Variants in B3GALNT2 observed in about 807,000 individuals in gnomAD.
B3GALNT2 encodes the protein UDP-GalNAc:beta-1,3-N-acetylgalactosaminyltransferase 2.
In B3GALNT2, 53 loss-of-function variants were observed where a neutral mutation model predicts 61.1. The observed-to-expected ratio is 0.87, with a 90% CI of 0.70 to 1.09. B3GALNT2 has a LOEUF of 1.09. Among genes scored for constraint, B3GALNT2 ranks in the 50% least tolerant of loss-of-function variants. The probability of loss-of-function intolerance (pLI) is 0.00; values close to 1 mark genes in which losing one functional copy is unlikely to be tolerated. For synonymous variants in B3GALNT2, 223 were observed against 237.4 expected (o/e 0.94, Z 0.56); for missense variants, 544 against 623.0 (o/e 0.87, Z 1.35).
chr1:235,504,435 C>T lies in B3GALNT2; in HGVS notation c.-183G>A. ...GCCCCGCTCCTCCGGTCCCTCAGAC[C>T]GCGGGTGGCCGCGGCTTAGCCGGCC... On this transcript the variant is annotated 5_prime_UTR_variant, in exon 1 of 12. Coordinates refer to ENST00000366600, the MANE Select transcript of B3GALNT2 (RefSeq NM_152490.5). The T allele has an allele frequency of 5.3e-6, 3 of 563,304 alleles. No individual in the cohort carries two copies. Among genetic ancestry groups the T allele is most frequent in the South Asian group, 2.9e-5 (1 of 34,464 alleles). The allele number at this position is 563,304 out of a possible 1,614,324, so 34.9% of individuals were successfully genotyped here. A position where few individuals can be genotyped will look rare whatever the true frequency, so the allele number is the denominator to read the frequency against.
intron 9 of B3GALNT2, among the ~76,000 whole-genome samples, chr1:235,454,869 C>A (rs999048822): frequency 1.3e-5 from 2 of 152,192 alleles, no homozygotes; most frequent in East Asian, 3.8e-4. Context: ...ACTAGAAGAT[C>A]ACCCTGTGTT....
chr1:235,453,881 C>T (rs1683043610), intron 10 of B3GALNT2, among the ~76,000 whole-genome samples: 1 of 152,176 alleles, frequency 6.6e-6, no homozygotes, highest in Non-Finnish European at 1.5e-5. Flanking sequence ...GATTCCTATA[C>T]AGAGAATAAC....
intron 6 of B3GALNT2, among the ~76,000 whole-genome samples, chr1:235,470,162 G>T (rs1385411687): frequency 6.6e-6 from 1 of 152,098 alleles, no homozygotes; most frequent in Non-Finnish European, 1.5e-5. Flanking sequence ...GCCTCCTAAA[G>T]TTCTGGGATT....
intron 5 of B3GALNT2, among the ~76,000 whole-genome samples, chr1:235,478,339 C>G (rs1684390766): frequency 6.6e-6 from 1 of 152,230 alleles, no homozygotes; most frequent in Admixed American, 6.5e-5. Flanking sequence ...GTGTGAGCCA[C>G]TGAGCCCGAC....
At chr1:235,494,073 A>G (rs576277405) in intron 2 of B3GALNT2, among the ~76,000 whole-genome samples, 17 of 152,334 alleles carry the variant, frequency 1.1e-4, no homozygotes, top group Admixed American at 6.5e-4. Context: ...GAAAAAGAGC[A>G]TGGCATATTA....
chr1:235,442,775 T>C, downstream of B3GALNT2: 1 of 1,407,522 alleles, frequency 7.1e-7, no homozygotes. Flanking sequence ...CATTTGGCCA[T>C]CTGTTGATGT....
At chr1:235,501,374 C>T (rs1433153779) in intron 1 of B3GALNT2, among the ~76,000 whole-genome samples, 2 of 152,244 alleles carry the variant, frequency 1.3e-5, no homozygotes, top group Non-Finnish European at 2.9e-5. Context: ...TTACTTCATT[C>T]TGGTCCCTGC....
chr1:235,466,378 T>C (rs1169923388), intron 6 of B3GALNT2, among the ~76,000 whole-genome samples: 1 of 151,962 alleles, frequency 6.6e-6, no homozygotes, highest in Non-Finnish European at 1.5e-5. Flanking sequence ...CTAATTTCAT[T>C]TTACAGACAG....
chr1:235,463,449 T>A (rs1683525558), intron 7 of B3GALNT2: 1 of 151,910 alleles, frequency 6.6e-6, no homozygotes, highest in African/African-American at 2.4e-5. Context: ...GTTTTCTTTT[T>A]TTTTTTTGCA....
chr1:235,504,082 C>G, intron 1 of B3GALNT2, 59 bp downstream of exon 1: 1 of 1,199,090 alleles, frequency 8.3e-7, no homozygotes, highest in Non-Finnish European at 1.0e-6. Context: ...CCCCGCGGCA[C>G]CAAGCCGGGC....
chr1:235,504,207 C>T lies in B3GALNT2; in HGVS notation c.46G>A (p.Ala16Thr), dbSNP rs1685727749. The change falls in exon 1 of 12, where the codon GCG (alanine) becomes ACG (threonine). Residue 16 changes from alanine to threonine, a missense_variant. Coordinates refer to ENST00000366600, the MANE Select transcript of B3GALNT2 (RefSeq NM_152490.5). Reference sequence around the variant, plus strand: ...CGCAGCCGCAGCCAGAGGTGCAGCGCGGCCCCGAGCACACACGGGCACAGC... The same window carrying T: ...CGCAGCCGCAGCCAGAGGTGCAGCGTGGCCCCGAGCACACACGGGCACAGC... The part of the protein sequence containing the change: ...VLLCPCVLGA[A>T]LHLWLRLRSP... 3.5e-6 allele frequency: 5 copies of T among 1,436,028 alleles called. No individual in the cohort carries two copies. Among genetic ancestry groups the T allele is most frequent in the Non-Finnish European group, 4.5e-6 (5 of 1,099,264 alleles). 89.0% of individuals were successfully genotyped at this position (1,436,028 alleles called of 1,614,324 possible). A position where few individuals can be genotyped will look rare whatever the true frequency, so the allele number is the denominator to read the frequency against.
chr1:235,474,950 CATATATATATATATATATATATAT>C lies in B3GALNT2; in HGVS notation c.652-4014_652-3991del, dbSNP rs1159752267. ...ATTAAGGACAACATAAAATTAGAGACATATATATATATATATATATATATATATATATATATATTTTTTTTTTTT... is the reference window on the plus strand; with the variant it reads ...ATTAAGGACAACATAAAATTAGAGACATATATATATATATTTTTTTTTTTT... On this transcript the variant is annotated intron_variant, in intron 5 of 11. Coordinates refer to ENST00000366600, the MANE Select transcript of B3GALNT2 (RefSeq NM_152490.5). 8.9e-3 allele frequency among the ~76,000 whole-genome samples: 350 copies of C among 39,364 alleles called. 12 individuals carry two copies. Among genetic ancestry groups the C allele is most frequent in the African/African-American group, 0.027 (284 of 10,436 alleles). 25.8% of individuals were successfully genotyped at this position (39,364 alleles called of 152,430 possible). A position where few individuals can be genotyped will look rare whatever the true frequency, so the allele number is the denominator to read the frequency against.
At chr1:235,470,262 T>A (rs919385528) in intron 6 of B3GALNT2, among the ~76,000 whole-genome samples, 13 of 152,178 alleles carry the variant, frequency 8.5e-5, no homozygotes, top group African/African-American at 2.9e-4. Flanking sequence ...TGAATACTAC[T>A]GAGCAAGTAT....
At chr1:235,469,138 G>C (rs1298055294) in intron 6 of B3GALNT2, among the ~76,000 whole-genome samples, 1 of 152,144 alleles carries the variant, frequency 6.6e-6, no homozygotes, top group Admixed American at 6.5e-5. Context: ...TGGGCCACTA[G>C]TATGTCTATT....
chr1:235,451,096 G>A (rs2102964125), intron 11 of B3GALNT2: 1 of 152,356 alleles, frequency 6.6e-6, no homozygotes. Context: ...GGCAGCTGCT[G>A]ATCCTTGGGT....
chr1:235,469,276 TAAGCTTGTGAATTTAAATGCC>T (rs2102811988), intron 6 of B3GALNT2, among the ~76,000 whole-genome samples: 1 of 152,358 alleles, frequency 6.6e-6, no homozygotes, highest in Admixed American at 6.5e-5. Context: ...ATTCATTCAC[TAAGCTTGTGAATTTAAATGCC>T]AAGTACATTC....
At chr1:235,481,311 C>G (rs925389991) in intron 4 of B3GALNT2, among the ~76,000 whole-genome samples, 3 of 152,156 alleles carry the variant, frequency 2.0e-5, no homozygotes, top group Admixed American at 6.6e-5. Context: ...TATGTCTGAA[C>G]CAAACTACTT....
intron 1 of B3GALNT2, among the ~76,000 whole-genome samples, chr1:235,502,379 C>T (rs895652873): frequency 1.3e-5 from 2 of 152,136 alleles, no homozygotes; most frequent in Non-Finnish European, 2.9e-5. Flanking sequence ...CCATGGCACA[C>T]GTTTACCTAT....
chr1:235,488,298 G>GT (rs1398911102), intron 3 of B3GALNT2, among the ~76,000 whole-genome samples: 1 of 151,998 alleles, frequency 6.6e-6, no homozygotes, highest in Non-Finnish European at 1.5e-5. Flanking sequence ...TTCCAAACGC[G>GT]TATGAATCAC....
Sources: allele counts gnomAD v4.1 joint callset (sites outside exome capture counted in the v4.1 genomes callset), GRCh38; gene constraint gnomAD v4.1.1; transcripts MANE v1.5; gene names NCBI Gene and HGNC (gene_info 2026-07-23, HGNC 2026-07-21).